ZNF277: variants seen among roughly 807,000 people sequenced by gnomAD.
ZNF277 encodes the protein zinc finger protein 277, also known as nuclear receptor-interacting factor 4.
ZNF277 carries 55 observed loss-of-function variants against 60.7 expected under a neutral mutation model. That is an observed-to-expected ratio of 0.91 (90% CI 0.73 to 1.13). The LOEUF (loss-of-function observed/expected upper bound fraction) is 1.13, where lower values mean the gene tolerates loss of function less well. ZNF277 is among the 50% of genes most tolerant of loss of function. ZNF277 has a pLI of 0.00. For missense variants in ZNF277, 510 were observed against 523.0 expected, an observed-to-expected ratio of 0.98 and a Z score of 0.24; for synonymous variants, 178 against 179.3, an observed-to-expected ratio of 0.99 and a Z score of 0.06.
intron 1 of ZNF277, among the ~76,000 whole-genome samples, chr7:112,224,715 G>A (rs181948823): frequency 4.2e-4 from 64 of 152,320 alleles, no homozygotes; most frequent in Admixed American, 3.8e-3. Flanking sequence ...TGGCAAGGAC[G>A]GGGCCTAGTC....
intron 4 of ZNF277, among the ~76,000 whole-genome samples, chr7:112,315,954 C>A: frequency 6.6e-6 from 1 of 152,074 alleles, no homozygotes; most frequent in East Asian, 1.9e-4. Context: ...GTTGTTTGTT[C>A]ACTAAATAAG....
At chr7:112,273,972 A>G (rs2117042477) in intron 1 of ZNF277, among the ~76,000 whole-genome samples, 1 of 151,984 alleles carries the variant, frequency 6.6e-6, no homozygotes, top group African/African-American at 2.4e-5. Flanking sequence ...GAACTAAAAG[A>G]CAATTTATTA....
intron 1 of ZNF277, among the ~76,000 whole-genome samples, chr7:112,232,042 CATATATATATATATATAT>C (rs67934905): frequency 0.036 from 4,800 of 133,206 alleles, 120 homozygotes; most frequent in East Asian, 0.081. Context: ...TAAATAAATA[CATATATATATATATATAT>C]ATATATATAT....
At chr7:112,209,819 CT>C (rs1164465102) in intron 1 of ZNF277, among the ~76,000 whole-genome samples, 1 of 151,998 alleles carries the variant, frequency 6.6e-6, no homozygotes, top group Non-Finnish European at 1.5e-5. Flanking sequence ...AATCATACAC[CT>C]TTTTGGATGA....
chr7:112,318,595 A>G (rs1462760747), intron 5 of ZNF277, among the ~76,000 whole-genome samples: 2 of 152,062 alleles, frequency 1.3e-5, no homozygotes, highest in Admixed American at 6.6e-5. Flanking sequence ...CTTCTAAATC[A>G]TTGGTAACTT....
chr7:112,287,203 G>C, intron 2 of ZNF277, 129 bp downstream of exon 2: 1 of 884,270 alleles, frequency 1.1e-6, no homozygotes, highest in Non-Finnish European at 1.7e-6. Context: ...CAAGATGCCA[G>C]CTCTAAAAAC....
intron 1 of ZNF277, among the ~76,000 whole-genome samples, chr7:112,263,940 T>G (rs1791490184): frequency 6.6e-6 from 1 of 152,142 alleles, no homozygotes; most frequent in African/African-American, 2.4e-5. Context: ...GCTACCTCTG[T>G]TCAAAAGGAT....
At chr7:112,289,463 C>G (rs1293665961) in intron 2 of ZNF277, among the ~76,000 whole-genome samples, 1 of 152,206 alleles carries the variant, frequency 6.6e-6, no homozygotes, top group Non-Finnish European at 1.5e-5. Context: ...CTAAAATAAA[C>G]TAATTCCCTA....
intron 1 of ZNF277, among the ~76,000 whole-genome samples, chr7:112,233,240 G>A (rs940078342): frequency 4.6e-5 from 7 of 152,026 alleles, no homozygotes; most frequent in Admixed American, 4.6e-4. Flanking sequence ...TTACTTCTTT[G>A]GCACTTGGAT....
intron 1 of ZNF277, among the ~76,000 whole-genome samples, chr7:112,212,478 T>G (rs1413688511): frequency 6.6e-6 from 1 of 152,260 alleles, no homozygotes; most frequent in Non-Finnish European, 1.5e-5. Context: ...ATACCTGTCT[T>G]GCAGTTATTG....
At chr7:112,300,086 A>G (rs951726467) in intron 4 of ZNF277, among the ~76,000 whole-genome samples, 1 of 152,190 alleles carries the variant, frequency 6.6e-6, no homozygotes. Flanking sequence ...TTTTAAACAA[A>G]CAGACAAAAC....
In ZNF277 at chr7:112,342,734, A is replaced by C. The variant is rs1404588876; in HGVS notation, c.*5A>C. On this transcript the variant is annotated 3_prime_UTR_variant, in exon 12 of 12. Transcript: ENST00000361822. ...TTGAACCAGTTGCTACTATAAGAGT[A>C]CTTGAAAACCTAGAAGAAACTACCA... 12 of 1,570,244 alleles carry C rather than the reference A, an allele frequency of 7.6e-6. No homozygotes were observed. Among genetic ancestry groups the C allele is most frequent in the Non-Finnish European group, 1.0e-5 (12 of 1,159,394 alleles).
At chr7:112,339,165 C>T (rs1166554607) in intron 9 of ZNF277, among the ~76,000 whole-genome samples, 1 of 152,200 alleles carries the variant, frequency 6.6e-6, no homozygotes, top group Admixed American at 6.5e-5. Flanking sequence ...ATCCATAATT[C>T]TAGTCCAAAT....
At chr7:112,328,791 AC>A (rs1216985728) in intron 6 of ZNF277, among the ~76,000 whole-genome samples, 1 of 151,944 alleles carries the variant, frequency 6.6e-6, no homozygotes, top group African/African-American at 2.4e-5. Context: ...AATCGCTTGA[AC>A]CCGGGAGGCA....
At chr7:112,235,073 T>C (rs1199581873) in intron 1 of ZNF277, among the ~76,000 whole-genome samples, 1 of 152,058 alleles carries the variant, frequency 6.6e-6, no homozygotes, top group Non-Finnish European at 1.5e-5. Flanking sequence ...GCAAAACTGA[T>C]CAATCTTTTG....
At chr7:112,258,068 GTCTAC>G (rs141097732) in intron 1 of ZNF277, among the ~76,000 whole-genome samples, 7,532 of 151,860 alleles carry the variant, frequency 0.05, 274 homozygotes, top group South Asian at 0.13. Context: ...ATTTTTTTAT[GTCTAC>G]TCTATTCATT....
In ZNF277 at chr7:112,337,891, AC is replaced by A. The variant is rs1793364439; in HGVS notation, c.966+68del. Reference sequence around the variant, plus strand: ...ACAGGGGAAAGCTAGTAATTGTTGCACCCTCATCTGCTTTTACTTCAGTTTC... The same window carrying A: ...ACAGGGGAAAGCTAGTAATTGTTGCACCTCATCTGCTTTTACTTCAGTTTC... On this transcript the variant is annotated intron_variant, in intron 9 of 11. Coordinates refer to ENST00000361822, the MANE Select transcript of ZNF277 (RefSeq NM_021994.3). 2.3e-6 allele frequency: 3 copies of A among 1,320,196 alleles called. No homozygotes were observed. The South Asian group carries it at 3.7e-5, about 16-fold the overall frequency. The allele number at this position is 1,320,196 out of a possible 1,614,324, so 81.8% of individuals were successfully genotyped here. A position where few individuals can be genotyped will look rare whatever the true frequency, so the allele number is the denominator to read the frequency against.
intron 4 of ZNF277, among the ~76,000 whole-genome samples, chr7:112,306,811 T>C (rs1792607544): frequency 6.6e-6 from 1 of 152,088 alleles, no homozygotes. Context: ...ACCAAATACA[T>C]GCCTATAACT....
intron 1 of ZNF277, among the ~76,000 whole-genome samples, chr7:112,244,675 C>T (rs1791040933): frequency 6.6e-6 from 1 of 151,996 alleles, no homozygotes; most frequent in Admixed American, 6.6e-5. Flanking sequence ...ATATAGTTTT[C>T]TCTATTACCT....
Sources: gnomAD v4.1 joint callset for allele counts (sites outside exome capture counted in the v4.1 genomes callset) on GRCh38, gnomAD v4.1.1 for gene constraint, MANE v1.5 for transcripts, NCBI Gene and HGNC (gene_info 2026-07-23, HGNC 2026-07-21) for gene names.